Variants in NUP54 observed in about 807,000 individuals in gnomAD.
The protein encoded by NUP54 is nucleoporin p54.
A neutral mutation model predicts 66.4 loss-of-function variants in NUP54; 27 were observed. The ratio of observed to expected loss-of-function variants is 0.41; its 90% CI spans 0.30 to 0.56. The LOEUF (loss-of-function observed/expected upper bound fraction) is 0.56. Among genes scored for constraint, NUP54 ranks in the 20% least tolerant of loss-of-function variants. NUP54 has a pLI of 0.34. For missense variants in NUP54, 486 were observed against 596.3 expected (o/e 0.82, Z 1.93); for synonymous variants, 206 against 210.7 (o/e 0.98, Z 0.19).
chr4:76,124,873 TA>T, intron 8 of NUP54, 117 bp from the exon 9 acceptor site: 1 of 526,064 alleles, frequency 1.9e-6, no homozygotes, highest in South Asian at 2.8e-5. Context: ...TCTCAAAATA[TA>T]AACTCTTTCC....
chr4:76,135,550 T>G (rs1179140040), intron 4 of NUP54, among the ~76,000 whole-genome samples: 1 of 152,230 alleles, frequency 6.6e-6, no homozygotes, highest in East Asian at 1.9e-4. Flanking sequence ...ATCCTCAGCC[T>G]TACAGCTCCA....
At chr4:76,128,287 C>A (rs1035131209) in intron 8 of NUP54, among the ~76,000 whole-genome samples, 2 of 151,972 alleles carry the variant, frequency 1.3e-5, no homozygotes, top group South Asian at 4.2e-4. Flanking sequence ...CCAAGAGTCT[C>A]CAGACATTGC....
At chr4:76,124,522 G>A (rs892411895) in intron 9 of NUP54, 127 bp downstream of exon 9, 8 of 411,722 alleles carry the variant, frequency 1.9e-5, no homozygotes, top group Non-Finnish European at 3.4e-5. Context: ...GAAAGAATTC[G>A]GTACTTGTAA....
intron 3 of NUP54, among the ~76,000 whole-genome samples, chr4:76,137,155 T>A (rs2109896292): frequency 6.6e-6 from 1 of 152,230 alleles, no homozygotes; most frequent in African/African-American, 2.4e-5. Flanking sequence ...GTGCACCTGG[T>A]TAATTTTTTA....
chr4:76,132,488 CTT>C, intron 6 of NUP54, 33 bp downstream of exon 6: 3 of 1,466,778 alleles, frequency 2.0e-6, no homozygotes, highest in South Asian at 1.4e-5. Context: ...CTAAATCTTT[CTT>C]TTTTTTTGAA....
intron 3 of NUP54, among the ~76,000 whole-genome samples, chr4:76,141,836 T>C (rs889584956): frequency 6.6e-6 from 1 of 152,144 alleles, no homozygotes; most frequent in African/African-American, 2.4e-5. Flanking sequence ...ATAATCCAAT[T>C]CATATCTATC....
intron 3 of NUP54, among the ~76,000 whole-genome samples, chr4:76,142,182 A>G (rs1731293950): frequency 6.6e-6 from 1 of 152,244 alleles, no homozygotes; most frequent in Non-Finnish European, 1.5e-5. Context: ...CTTTATTTCA[A>G]GAAACAAAGG....
rs1360446168 is a variant in NUP54 at position 76,115,486 on chromosome 4, T to A, written c.1404A>T (p.Lys468Asn). 2 of 1,600,590 alleles carry A rather than the reference T, an allele frequency of 1.2e-6. No homozygotes were observed. The highest frequency in any genetic ancestry group is 1.7e-6 in the Non-Finnish European group (2 of 1,175,654). Residue 468 changes from lysine (K) to asparagine (N), a missense_variant, in exon 12 of 12, where the codon AAA (lysine) becomes AAT (asparagine). This residue lies in a region of NUP54 where 83 missense variants were observed against 128.6 expected (regional missense o/e 0.65). Coordinates refer to ENST00000264883, the MANE Select transcript of NUP54 (RefSeq NM_017426.4). ...DLLREIKQHLKQQQEGLSHLI... is the reference protein window; with the variant it reads ...DLLREIKQHLNQQQEGLSHLI... The stretch of plus-strand genomic sequence containing the variant: ...AATGGCTAAGGCCTTCCTGTTGTTG[T>A]TTCAAATGCTAGAACAAATTAAGAA...
chr4:76,117,541 G>C, intron 11 of NUP54, 123 bp downstream of exon 11: 1 of 637,978 alleles, frequency 1.6e-6, no homozygotes. Flanking sequence ...CCCCAACAGT[G>C]CAAGAAAGTT....
chr4:76,117,815 G>T, intron 10 of NUP54, 41 bp from the exon 11 acceptor site: 1 of 1,469,084 alleles, frequency 6.8e-7, no homozygotes, highest in Non-Finnish European at 9.5e-7. Flanking sequence ...TGCCGACGAA[G>T]ACTTGTAAAA....
intron 8 of NUP54, among the ~76,000 whole-genome samples, chr4:76,127,861 A>C (rs1730610880): frequency 6.6e-6 from 1 of 152,228 alleles, no homozygotes; most frequent in African/African-American, 2.4e-5. Context: ...TCAGTTCTGG[A>C]CAAGATGGAC....
intron 6 of NUP54, among the ~76,000 whole-genome samples, chr4:76,131,681 A>G (rs201416740): frequency 6.6e-5 from 10 of 151,820 alleles, no homozygotes; most frequent in East Asian, 3.9e-4. Context: ...GCCAGAAAAA[A>G]TAACATTCCT....
chr4:76,135,405 A>G (rs568655052), intron 4 of NUP54, among the ~76,000 whole-genome samples: 1 of 152,354 alleles, frequency 6.6e-6, no homozygotes, highest in East Asian at 1.9e-4. Flanking sequence ...ACTTATGTCT[A>G]TTATTGAATA....
chr4:76,141,706 T>A (rs1183771231), intron 3 of NUP54, among the ~76,000 whole-genome samples: 1 of 151,660 alleles, frequency 6.6e-6, no homozygotes, highest in East Asian at 2.0e-4. Flanking sequence ...CTATAATCTA[T>A]CTTTGTATTT....
intron 5 of NUP54, among the ~76,000 whole-genome samples, chr4:76,133,196 C>G (rs1005855399): frequency 1.4e-4 from 22 of 151,904 alleles, no homozygotes; most frequent in Non-Finnish European, 2.4e-4. Flanking sequence ...CTGCTGTGCC[C>G]AACTGTTTTC....
chr4:76,128,920 T>C (rs1192137570), intron 8 of NUP54, among the ~76,000 whole-genome samples: 1 of 152,156 alleles, frequency 6.6e-6, no homozygotes, highest in African/African-American at 2.4e-5. Context: ...TAGTGGCTAC[T>C]AGAGGTGGAG....
chr4:76,147,733 A>T, intron 1 of NUP54: 3 of 1,017,908 alleles, frequency 2.9e-6, no homozygotes, highest in Non-Finnish European at 3.9e-6. Context: ...AATCAGCAGG[A>T]GGTTTCACAG....
intron 8 of NUP54, among the ~76,000 whole-genome samples, chr4:76,130,040 G>T (rs1186562399): frequency 8.8e-6 from 1 of 113,934 alleles, no homozygotes; most frequent in East Asian, 2.9e-4. Context: ...GAGTGCAGTG[G>T]CACGATTTCT....
At chr4:76,123,990 TTA>T (rs1730351615) in intron 9 of NUP54, among the ~76,000 whole-genome samples, 1 of 152,226 alleles carries the variant, frequency 6.6e-6, no homozygotes, top group South Asian at 2.1e-4. Flanking sequence ...ATTACATTTT[TTA>T]GTCTTTCACT....
Sources: gnomAD v4.1 joint callset for allele counts (sites outside exome capture counted in the v4.1 genomes callset) on GRCh38, gnomAD v4.1.1 for gene constraint, gnomAD v4.1.1 regional missense constraint, MANE v1.5 for transcripts, NCBI Gene and HGNC (gene_info 2026-07-23, HGNC 2026-07-21) for gene names.